The following LRRC32 variants were observed in gnomAD, a reference collection of about 807,000 sequenced individuals.
The protein encoded by LRRC32 is leucine rich repeat containing 32.
Under a neutral mutation model 15.0 loss-of-function variants are expected in LRRC32, and 5 were observed. The ratio of observed to expected loss-of-function variants is 0.33; its 90% CI spans 0.17 to 0.70. LRRC32 has a LOEUF of 0.70. LRRC32 is among the 30% of genes least tolerant of loss of function. The pLI is 0.66. For synonymous variants in LRRC32, 391 were observed against 403.9 expected, an observed-to-expected ratio of 0.97 and a Z score of 0.38; for missense variants, 803 against 854.2, an observed-to-expected ratio of 0.94 and a Z score of 0.75.
chr11:76,669,370 T>G (rs1952675043), intron 1 of LRRC32, among the ~76,000 whole-genome samples: 1 of 147,690 alleles, frequency 6.8e-6, no homozygotes, highest in African/African-American at 2.5e-5. Flanking sequence ...TGTGTGTGTG[T>G]GTGTGTGTGT....
At chr11:76,667,816 C>G (rs1217907447) in intron 1 of LRRC32, among the ~76,000 whole-genome samples, 1 of 152,276 alleles carries the variant, frequency 6.6e-6, no homozygotes, top group Non-Finnish European at 1.5e-5. Flanking sequence ...GGGTTCTGGA[C>G]ACCTCATATT....
At chr11:76,664,065 G>A (rs190094750) in intron 2 of LRRC32, among the ~76,000 whole-genome samples, 1 of 152,268 alleles carries the variant, frequency 6.6e-6, no homozygotes. Context: ...ACAGTGTGGG[G>A]GGCACCGTGC....
Position 76,665,931 on chromosome 11 carries a change from G to A in LRRC32, c.24C>T (p.Leu8=). 3 of 1,614,076 alleles carry A rather than the reference G, an allele frequency of 1.9e-6. No individual in the cohort carries two copies. The highest frequency in any genetic ancestry group is 2.5e-6 in the Non-Finnish European group (3 of 1,179,968). Residue 8 remains leucine (L), a synonymous_variant, in exon 2 of 3, where the codon CTC becomes CTT. Transcript: ENST00000260061. ...CCAGGCCTAGGGTCAGCAGGGCCAG[G>A]AGCAGCAGGATCTGGGGTCTCATGG... MRPQILL[L]LALLTLGLAA... is the part of the protein sequence containing the mutation.
Position 76,666,352 on chromosome 11 carries a change from G to A in LRRC32, c.-4-394C>T, listed in dbSNP as rs115474694. Among the ~76,000 whole-genome samples the A allele has an allele frequency of 5.1e-3, 756 of 149,544 alleles. 4 individuals are homozygous for A. Among genetic ancestry groups the A allele is most frequent in the African/African-American group, 0.018 (726 of 40,500 alleles). Reference sequence around the variant, plus strand: ...CTGGGGGCATGGAGATGTAGAGGGGGTTTGGAGGGTGGGCCTCTGACTACA... The same window carrying A: ...CTGGGGGCATGGAGATGTAGAGGGGATTTGGAGGGTGGGCCTCTGACTACA... On this transcript the variant is annotated intron_variant, in intron 1 of 2. Transcript: ENST00000260061.
rs781012226 is a variant in LRRC32 at position 76,660,144 on chromosome 11, C to T, written c.1449G>A (p.Thr483=). The change falls in exon 3 of 3, where the codon ACG becomes ACA. Residue 483 remains threonine (T), a synonymous_variant. Coordinates refer to ENST00000260061, the MANE Select transcript of LRRC32 (RefSeq NM_001128922.2). ...AGGCCTCCAGGCCTCCCAAGGCCCC[C>T]GTGGCCACCTCCAGCCCAGGATTGG... ...LSSNPGLEVA[T]GALGGLEASL... The T allele has an allele frequency of 8.7e-6, 14 of 1,606,122 alleles. No homozygotes were observed. Among genetic ancestry groups the T allele is most frequent in the South Asian group, 1.1e-5 (1 of 90,180 alleles).
In LRRC32 at chr11:76,665,804, G is replaced by T. The variant is rs955442366; in HGVS notation, c.84+67C>A. On this transcript the variant is annotated intron_variant, in intron 2 of 2. Coordinates refer to ENST00000260061, the MANE Select transcript of LRRC32 (RefSeq NM_001128922.2). ...TCTAACTTCTGGCTTCTGGGGCTGG[G>T]GCACTAGCACACCCTAGGGCAGGGA... 1.9e-6 allele frequency: 3 copies of T among 1,599,272 alleles called. No homozygotes were observed. The African/African-American group carries it at 4.0e-5, about 21-fold the overall frequency.
At position 76,660,265 on chromosome 11, in the gene LRRC32, G is replaced by C; in HGVS notation, c.1328C>G (p.Thr443Ser). Reference sequence around the variant, plus strand: ...CACCAGGCTCAGGCTGCGGAGGGAGGTGATGCCGGAGAAGGCCACACAGCC... The same window carrying C: ...CACCAGGCTCAGGCTGCGGAGGGAGCTGATGCCGGAGAAGGCCACACAGCC... The part of the protein sequence containing the change: ...PSGCVAFSGI[T>S]SLRSLSLVDN... The change falls in exon 3 of 3, where the codon ACC becomes AGC. Residue 443 changes from threonine to serine, a missense_variant. Transcript: ENST00000260061. 1.9e-6 allele frequency: 3 copies of C among 1,577,202 alleles called. No individual in the cohort carries two copies. Among genetic ancestry groups the C allele is most frequent in the Non-Finnish European group, 2.6e-6 (3 of 1,164,048 alleles).
At chr11:76,665,788 T>C in intron 2 of LRRC32, 83 bp downstream of exon 2, 1 of 1,591,240 alleles carries the variant, frequency 6.3e-7, no homozygotes. Context: ...TTCTAACTTC[T>C]GGCTTCTGGG....
chr11:76,659,753 G>T lies in LRRC32; in HGVS notation c.1840C>A (p.Arg614Ser), dbSNP rs1305581122. 1.9e-6 allele frequency: 3 copies of T among 1,614,048 alleles called. No individual in the cohort carries two copies. The highest frequency in any genetic ancestry group is 2.5e-6 in the Non-Finnish European group (3 of 1,180,024). Residue 614 changes from arginine (R) to serine (S), a missense_variant, in exon 3 of 3, where the codon CGT becomes AGT. Transcript: ENST00000260061. The part of the protein sequence containing the change: ...SQEEVSLSHV[R>S]PEDCEKGGLK... The stretch of plus-strand genomic sequence containing the variant: ...CCCCCCTTCTCACAGTCCTCGGGAC[G>T]CACGTGGCTCAGGGACACCTCCTCC...
chr11:76,665,812 C>T (rs1431418967), intron 2 of LRRC32, 59 bp downstream of exon 2: 12 of 1,603,958 alleles, frequency 7.5e-6, no homozygotes, highest in Non-Finnish European at 1.0e-5. Flanking sequence ...GGGGCACTAG[C>T]ACACCCTAGG....
intron 2 of LRRC32, among the ~76,000 whole-genome samples, chr11:76,664,749 G>A (rs79905125): frequency 0.011 from 1,746 of 152,300 alleles, 32 homozygotes; most frequent in African/African-American, 0.04. Flanking sequence ...CTGCCTGTTG[G>A]GTAGTCAAGG....
intron 2 of LRRC32, among the ~76,000 whole-genome samples, chr11:76,664,042 C>T (rs889364721): frequency 8.5e-5 from 13 of 152,204 alleles, no homozygotes; most frequent in African/African-American, 2.9e-4. Context: ...CATGGACCCA[C>T]TTACTGACTG....
rs1952620862 is a variant in LRRC32, at chr11:76,666,029, C to T, written c.-4-71G>A. 1.5e-5 allele frequency: 21 copies of T among 1,412,350 alleles called. No individual in the cohort carries two copies. In the South Asian group the frequency reaches 2.4e-4, roughly 16 times the overall value. 87.5% of individuals were successfully genotyped at this position (1,412,350 alleles called of 1,614,324 possible). On this transcript the variant is annotated intron_variant, in intron 1 of 2. Coordinates refer to ENST00000260061, the MANE Select transcript of LRRC32 (RefSeq NM_001128922.2). ...TCCTTCCCACTGCCAGCCCCCACTCCCACCCATTCTGTGCCTGCCCTCAGG... is the reference window on the plus strand; with the variant it reads ...TCCTTCCCACTGCCAGCCCCCACTCTCACCCATTCTGTGCCTGCCCTCAGG...
rs1481738958 is a variant in LRRC32 at position 76,661,209 on chromosome 11, G to A, written c.384C>T (p.Ser128=). The change falls in exon 3 of 3, where the codon TCC becomes TCT. Residue 128 remains serine, a synonymous_variant. Transcript: ENST00000260061. ...ACAGGCTGTTCCCAGACAGGTCCAG[G>A]GAGGTCACGCGTGGCAGGGGGCCCA... ...GGLGPLPRVT[S]LDLSGNSLYS... 1 of 1,613,850 alleles carries A rather than the reference G, an allele frequency of 6.2e-7. No individual in the cohort carries two copies. Among genetic ancestry groups the A allele is most frequent in the Non-Finnish European group, 8.5e-7 (1 of 1,179,934 alleles).
chr11:76,668,083 T>C (rs1335156472), intron 1 of LRRC32, among the ~76,000 whole-genome samples: 1 of 150,926 alleles, frequency 6.6e-6, no homozygotes, highest in African/African-American at 2.4e-5. Flanking sequence ...GGGCTCACCA[T>C]CCTTTAAGAT....
chr11:76,660,614 T>C lies in LRRC32; in HGVS notation c.979A>G (p.Ile327Val), dbSNP rs760728261. The change falls in exon 3 of 3, where the codon ATT becomes GTT. Residue 327 changes from isoleucine (I) to valine (V), a missense_variant. Physicochemically the swap from Ile to Val is conservative, Grantham distance 29. Transcript: ENST00000260061. ...AGAAAGCTGTCGGGGATGAGCTCAA[T>C]CTCATTGTAGCTCAAATCCAGATTC... ...LLNLDLSYNEIELIPDSFLEH... is the reference protein window; with the variant it reads ...LLNLDLSYNEVELIPDSFLEH... The C allele has an allele frequency of 5.6e-6, 9 of 1,614,048 alleles. No homozygotes were observed. The highest frequency in any genetic ancestry group is 6.8e-6 in the Non-Finnish European group (8 of 1,180,000).
At position 76,660,423 on chromosome 11, in the gene LRRC32, C is replaced by A; in HGVS notation, c.1170G>T (p.Thr390=). The A allele has an allele frequency of 1.9e-6, 3 of 1,613,602 alleles. No individual in the cohort carries two copies. In the South Asian group the frequency reaches 3.3e-5, roughly 18 times the overall value. Residue 390 remains threonine, a synonymous_variant, in exon 3 of 3, where the codon ACG becomes ACT. Coordinates refer to ENST00000260061, the MANE Select transcript of LRRC32 (RefSeq NM_001128922.2). ...LGARALGSLR[T]LLLQGNALRD... is the part of the protein sequence containing the mutation. ...GCAGGGCATTGCCCTGTAGGAGCAG[C>A]GTCCGCAGAGACCCCAGGGCTCTGG...
Position 76,660,738 on chromosome 11 carries a change from C to T in LRRC32, c.855G>A (p.Gln285=). 1 of 1,614,068 alleles carries T rather than the reference C, an allele frequency of 6.2e-7. No homozygotes were observed. The highest frequency in any genetic ancestry group is 8.5e-7 in the Non-Finnish European group (1 of 1,180,008). Residue 285 remains glutamine (Q), a synonymous_variant, in exon 3 of 3, where the codon CAG becomes CAA. Transcript: ENST00000260061. ...AAGGTGCGTGGATGCCCTTGCTGTCCTGGGGTGGCCCTGTGGGGAGCCGGA... is the reference window on the plus strand; with the variant it reads ...AAGGTGCGTGGATGCCCTTGCTGTCTTGGGGTGGCCCTGTGGGGAGCCGGA... The part of the protein sequence containing the change: ...NLIRLPTGPP[Q]DSKGIHAPSE...
At chr11:76,668,616 T>C (rs1169857003) in intron 1 of LRRC32, among the ~76,000 whole-genome samples, 2 of 152,194 alleles carry the variant, frequency 1.3e-5, no homozygotes, top group African/African-American at 4.8e-5. Context: ...ACACATGTCA[T>C]TGTTTTCCCA....
Sources: gnomAD v4.1 joint callset for allele counts (sites outside exome capture counted in the v4.1 genomes callset) on GRCh38, gnomAD v4.1.1 for gene constraint, MANE v1.5 for transcripts, NCBI Gene and HGNC (gene_info 2026-07-23, HGNC 2026-07-21) for gene names.